The following LRRC37A2 variants were observed in gnomAD, a reference collection of about 807,000 sequenced individuals.
LRRC37A2 encodes the protein leucine rich repeat containing 37 member A2.
In LRRC37A2, 9 loss-of-function variants were observed where a neutral mutation model predicts 68.8. That is an observed-to-expected ratio of 0.13 (90% CI 0.08 to 0.23). LRRC37A2 has a LOEUF of 0.23. Ranked by LOEUF, LRRC37A2 falls within the 10% of genes least tolerant of loss-of-function variation. The probability of loss-of-function intolerance (pLI) is 1.00; values close to 1 mark genes in which losing one functional copy is unlikely to be tolerated. For missense variants in LRRC37A2, 168 were observed against 950.4 expected, an observed-to-expected ratio of 0.18 and a Z score of 10.82; for synonymous variants, 63 against 367.6, an observed-to-expected ratio of 0.17 and a Z score of 9.48.
the LRRC37A2 span, among the ~76,000 whole-genome samples, chr17:46,747,379 C>T: frequency 1.2e-4 from 19 of 152,278 alleles, no homozygotes; most frequent in East Asian, 3.7e-3. Flanking sequence ...CTCCTTGGCT[C>T]AAGCGATCTG....
At chr17:46,573,019 G>A in the LRRC37A2 span, among the ~76,000 whole-genome samples, 1 of 26,614 alleles carries the variant, frequency 3.8e-5, no homozygotes, top group Non-Finnish European at 2.0e-4. Context: ...GGGAGGAAGG[G>A]AGGAAAGGAA....
chr17:46,781,261 T>C, the LRRC37A2 span, among the ~76,000 whole-genome samples: 1 of 151,328 alleles, frequency 6.6e-6, no homozygotes, highest in African/African-American at 2.4e-5. Flanking sequence ...GAAATTCTGA[T>C]GCTTCTGATG....
At chr17:46,932,672 G>A in the LRRC37A2 span, 5 of 238,270 alleles carry the variant, frequency 2.1e-5, 1 homozygote, top group South Asian at 3.7e-4. Flanking sequence ...GGAGGAATTT[G>A]TTAACAGATG....
At chr17:46,899,406 AAAC>A in the LRRC37A2 span, among the ~76,000 whole-genome samples, 1 of 151,366 alleles carries the variant, frequency 6.6e-6, no homozygotes, top group African/African-American at 2.4e-5. Flanking sequence ...CCCTGTCTCA[AAAC>A]AAACAAACAA....
At chr17:46,925,228 A>G in the LRRC37A2 span, among the ~76,000 whole-genome samples, 1 of 152,358 alleles carries the variant, frequency 6.6e-6, no homozygotes, top group East Asian at 1.9e-4. Context: ...AGCCATAGAC[A>G]ATATGTAAAC....
At chr17:47,003,175 G>T in the LRRC37A2 span, among the ~76,000 whole-genome samples, 120 of 148,190 alleles carry the variant, frequency 8.1e-4, no homozygotes, top group Non-Finnish European at 1.5e-3. Context: ...ACTTAAGGCC[G>T]GAAGGAAATT....
At chr17:46,804,211 C>T in the LRRC37A2 span, among the ~76,000 whole-genome samples, 3 of 152,052 alleles carry the variant, frequency 2.0e-5, no homozygotes, top group Non-Finnish European at 2.9e-5. Flanking sequence ...CCTCAGCCTC[C>T]CCAGCAGCTG....
At chr17:46,974,072 C>T in the LRRC37A2 span, among the ~76,000 whole-genome samples, 15,730 of 152,216 alleles carry the variant, frequency 0.1, 900 homozygotes, top group Admixed American at 0.16. Context: ...GTAAGCCCTC[C>T]CTACTTCCCC....
chr17:46,724,286 G>A, the LRRC37A2 span, among the ~76,000 whole-genome samples: 78 of 152,294 alleles, frequency 5.1e-4, no homozygotes, highest in African/African-American at 1.9e-3. Flanking sequence ...AGGACAACCC[G>A]AAAATCTCAG....
chr17:46,971,086 C>T, the LRRC37A2 span, among the ~76,000 whole-genome samples: 2 of 152,108 alleles, frequency 1.3e-5, no homozygotes, highest in Non-Finnish European at 2.9e-5. Context: ...TGCGGTGGCT[C>T]ATGCCTGTAA....
At chr17:46,875,940 C>T in the LRRC37A2 span, among the ~76,000 whole-genome samples, 1 of 152,060 alleles carries the variant, frequency 6.6e-6, no homozygotes, top group South Asian at 2.1e-4. Flanking sequence ...AGTTGTGAAC[C>T]GGGGCTGCTG....
the LRRC37A2 span, among the ~76,000 whole-genome samples, chr17:46,908,149 G>A: frequency 1.2e-4 from 19 of 152,086 alleles, no homozygotes; most frequent in Non-Finnish European, 2.5e-4. Context: ...TGATAGATGA[G>A]CCCCCAGTCC....
the LRRC37A2 span, among the ~76,000 whole-genome samples, chr17:46,788,290 T>G: frequency 6.6e-6 from 1 of 152,200 alleles, no homozygotes; most frequent in Admixed American, 6.5e-5. Context: ...GTAACATTTC[T>G]CCCCTTCCTG....
chr17:46,902,931 G>A, the LRRC37A2 span, among the ~76,000 whole-genome samples: 1 of 152,200 alleles, frequency 6.6e-6, no homozygotes, highest in Non-Finnish European at 1.5e-5. Flanking sequence ...GCTAGCCAAT[G>A]ACAGTTGAAG....
At chr17:46,573,009 G>A in the LRRC37A2 span, among the ~76,000 whole-genome samples, 1 of 31,566 alleles carries the variant, frequency 3.2e-5, no homozygotes, top group East Asian at 4.3e-4. Context: ...AAGGGAGGAA[G>A]GGAGGAAGGG....
At chr17:47,043,001 T>C in the LRRC37A2 span, among the ~76,000 whole-genome samples, 3 of 150,192 alleles carry the variant, frequency 2.0e-5, no homozygotes, top group Non-Finnish European at 4.4e-5. Context: ...CATTTAAAAA[T>C]AGGGCAATAA....
At chr17:46,869,536 C>T in the LRRC37A2 span, among the ~76,000 whole-genome samples, 1 of 152,224 alleles carries the variant, frequency 6.6e-6, no homozygotes. Flanking sequence ...CCAACAAAAA[C>T]CAGATGCCTG....
chr17:46,771,169 C>G, the LRRC37A2 span, among the ~76,000 whole-genome samples: 1 of 152,238 alleles, frequency 6.6e-6, no homozygotes, highest in South Asian at 2.1e-4. Context: ...ACAGAGGGGC[C>G]CGTCCCACTT....
the LRRC37A2 span, among the ~76,000 whole-genome samples, chr17:46,976,585 C>G: frequency 6.6e-6 from 1 of 151,988 alleles, no homozygotes; most frequent in African/African-American, 2.4e-5. Context: ...AAATTTAACT[C>G]TTGACTCGTT....
Sources: gnomAD v4.1 joint callset for allele counts (sites outside exome capture counted in the v4.1 genomes callset) on GRCh38, gnomAD v4.1.1 for gene constraint, MANE v1.5 for transcripts, NCBI Gene and HGNC (gene_info 2026-07-23, HGNC 2026-07-21) for gene names.